Variants in PDZRN4 observed in about 807,000 individuals in gnomAD.
PDZRN4 encodes the protein PDZ domain containing ring finger 4, also known as PDZ domain-containing RING finger protein 4.
PDZRN4 carries 70 observed loss-of-function variants against 99.0 expected under a neutral mutation model. The observed-to-expected ratio is 0.71, with a 90% CI of 0.58 to 0.86. PDZRN4 has a LOEUF of 0.86. PDZRN4 is among the 40% of genes least tolerant of loss of function. PDZRN4 has a pLI of 0.00. For missense variants in PDZRN4, 1,474 were observed against 1,331.2 expected, an observed-to-expected ratio of 1.11 and a Z score of -1.67; for synonymous variants, 551 against 501.6, an observed-to-expected ratio of 1.10 and a Z score of -1.32.
intron 3 of PDZRN4, among the ~76,000 whole-genome samples, chr12:41,406,867 A>AG (rs2120363177): frequency 6.6e-6 from 1 of 151,936 alleles, no homozygotes; most frequent in South Asian, 2.1e-4. Context: ...TCAAAAAAAA[A>AG]AAAAAAAAAA....
At chr12:41,404,880 A>G (rs1952333346) in intron 3 of PDZRN4, among the ~76,000 whole-genome samples, 1 of 151,978 alleles carries the variant, frequency 6.6e-6, no homozygotes, top group Non-Finnish European at 1.5e-5. Flanking sequence ...TGGGGAAAGG[A>G]CTCCCTATTC....
chr12:41,482,183 G>A (rs2120602153), intron 3 of PDZRN4, among the ~76,000 whole-genome samples: 1 of 152,232 alleles, frequency 6.6e-6, no homozygotes, highest in Non-Finnish European at 1.5e-5. Context: ...ACAGCTGTAA[G>A]CATCACATCT....
chr12:41,249,871 C>A (rs949472542), intron 3 of PDZRN4, among the ~76,000 whole-genome samples: 1 of 152,138 alleles, frequency 6.6e-6, no homozygotes, highest in African/African-American at 2.4e-5. Context: ...GCAACTGAAG[C>A]CTTTCCTTCA....
At chr12:41,334,771 C>T (rs904666546) in intron 3 of PDZRN4, among the ~76,000 whole-genome samples, 1 of 152,112 alleles carries the variant, frequency 6.6e-6, no homozygotes, top group African/African-American at 2.4e-5. Context: ...ATCTGATTTC[C>T]CTTTAATTCA....
intron 3 of PDZRN4, among the ~76,000 whole-genome samples, chr12:41,231,464 C>T (rs1951029467): frequency 6.6e-6 from 1 of 152,008 alleles, no homozygotes; most frequent in Non-Finnish European, 1.5e-5. Flanking sequence ...ACTTGCCTAT[C>T]TATTTGACTC....
intron 3 of PDZRN4, among the ~76,000 whole-genome samples, chr12:41,205,873 C>T (rs1950846463): frequency 6.6e-6 from 1 of 151,952 alleles, no homozygotes. Flanking sequence ...ACCTTCCCTT[C>T]TTCCCCTGTT....
chr12:41,290,052 G>C (rs1400908679), intron 3 of PDZRN4, among the ~76,000 whole-genome samples: 1 of 152,174 alleles, frequency 6.6e-6, no homozygotes, highest in Non-Finnish European at 1.5e-5. Flanking sequence ...TGTGTACATA[G>C]GAAGTACTGG....
intron 3 of PDZRN4, among the ~76,000 whole-genome samples, chr12:41,272,709 T>C (rs1951322672): frequency 6.6e-6 from 1 of 152,104 alleles, no homozygotes; most frequent in African/African-American, 2.4e-5. Flanking sequence ...TTATCGGCAG[T>C]TCAAAAGTTA....
At chr12:41,353,252 C>T (rs375677762) in intron 3 of PDZRN4, among the ~76,000 whole-genome samples, 5 of 151,962 alleles carry the variant, frequency 3.3e-5, no homozygotes, top group Admixed American at 2.6e-4. Flanking sequence ...TTAGTTAATC[C>T]TAGAATTCCA....
chr12:41,281,683 G>C (rs1020849434), intron 3 of PDZRN4, among the ~76,000 whole-genome samples: 2 of 152,094 alleles, frequency 1.3e-5, no homozygotes, highest in African/African-American at 2.4e-5. Context: ...GAATGAAAAG[G>C]AATGAACAAA....
intron 3 of PDZRN4, among the ~76,000 whole-genome samples, chr12:41,332,326 A>C (rs939573497): frequency 1.8e-4 from 27 of 152,088 alleles, no homozygotes; most frequent in Admixed American, 1.2e-3. Flanking sequence ...AGTTAGGAGG[A>C]AGGTGAAAGA....
At chr12:41,261,699 C>T (rs937517075) in intron 3 of PDZRN4, among the ~76,000 whole-genome samples, 1 of 152,132 alleles carries the variant, frequency 6.6e-6, no homozygotes, top group Admixed American at 6.5e-5. Flanking sequence ...CCGTGTTAGC[C>T]AGGATGGTCT....
chr12:41,551,746 A>G (rs1592108541), intron 5 of PDZRN4, among the ~76,000 whole-genome samples: 2 of 152,324 alleles, frequency 1.3e-5, no homozygotes, highest in Non-Finnish European at 1.5e-5. Flanking sequence ...TGGGTCTTAT[A>G]TTCTACATCC....
At chr12:41,320,125 A>C (rs1370215269) in intron 3 of PDZRN4, among the ~76,000 whole-genome samples, 2 of 152,180 alleles carry the variant, frequency 1.3e-5, no homozygotes, top group Non-Finnish European at 2.9e-5. Flanking sequence ...AGCCCCACCT[A>C]GGGGCTGAGG....
At chr12:41,330,381 C>A (rs1414657251) in intron 3 of PDZRN4, among the ~76,000 whole-genome samples, 4 of 151,636 alleles carry the variant, frequency 2.6e-5, no homozygotes. Context: ...TGACACAAGT[C>A]TTGAGCAATC....
At chr12:41,279,102 T>G (rs1951367677) in intron 3 of PDZRN4, among the ~76,000 whole-genome samples, 1 of 152,200 alleles carries the variant, frequency 6.6e-6, no homozygotes, top group African/African-American at 2.4e-5. Context: ...GGGAAACCAG[T>G]TACACGCAGG....
At chr12:41,265,687 A>C (rs866498294) in intron 3 of PDZRN4, among the ~76,000 whole-genome samples, 2 of 152,206 alleles carry the variant, frequency 1.3e-5, no homozygotes, top group Non-Finnish European at 2.9e-5. Flanking sequence ...GGCCATTCAC[A>C]CTTTTTTCTT....
Position 41,569,774 on chromosome 12 carries a change from G to A in PDZRN4, c.1584+1875G>A, listed in dbSNP as rs541366345. Among the ~76,000 whole-genome samples, 20 of 152,208 alleles carry A rather than the reference G, an allele frequency of 1.3e-4. No individual in the cohort carries two copies. In the South Asian group the frequency reaches 3.9e-3, roughly 30 times the overall value. ...CACTATAGCATCAACATAGTCATAT[G>A]TGATATACTCATGTGCTCATTATGT... is the stretch of plus-strand genomic sequence containing the variant. On this transcript the variant is annotated intron_variant, in intron 9 of 9. Transcript: ENST00000402685.
Position 41,194,084 on chromosome 12 carries a change from A to T in PDZRN4, c.739A>T (p.Asn247Tyr). Reference sequence around the variant, plus strand: ...GCTAATGATTTTTTAAAAATAGAATAATCAGGAAGGAACATCGACTGAAGG... The same window carrying T: ...GCTAATGATTTTTTAAAAATAGAATTATCAGGAAGGAACATCGACTGAAGG... ...NIIGGRPNQN[N>Y]QEGTSTEGIY... The change falls in exon 3 of 10, where the codon AAT (asparagine) becomes TAT (tyrosine). Residue 247 changes from asparagine (N) to tyrosine (Y), a missense_variant. Physicochemically the swap from Asn to Tyr is moderately radical, Grantham distance 143. Coordinates refer to ENST00000402685, the MANE Select transcript of PDZRN4 (RefSeq NM_001164595.2). 1.4e-6 allele frequency: 2 copies of T among 1,425,068 alleles called. No individual in the cohort carries two copies. The highest frequency in any genetic ancestry group is 3.4e-5 in the Admixed American group (2 of 59,160). 88.3% of individuals were successfully genotyped at this position (1,425,068 alleles called of 1,614,324 possible). A position where few individuals can be genotyped will look rare whatever the true frequency, so the allele number is the denominator to read the frequency against.
Sources: gnomAD v4.1 joint callset for allele counts (sites outside exome capture counted in the v4.1 genomes callset) on GRCh38, gnomAD v4.1.1 for gene constraint, MANE v1.5 for transcripts, NCBI Gene and HGNC (gene_info 2026-07-23, HGNC 2026-07-21) for gene names.